Variants in TMPRSS11D observed in about 807,000 individuals in gnomAD.
TMPRSS11D encodes the protein transmembrane protease serine 11D.
Under a neutral mutation model 44.4 loss-of-function variants are expected in TMPRSS11D, and 32 were observed. The ratio of observed to expected loss-of-function variants is 0.72; its 90% CI spans 0.54 to 0.97. The LOEUF (loss-of-function observed/expected upper bound fraction) is 0.97, where lower values mean the gene tolerates loss of function less well. Ranked by LOEUF, TMPRSS11D falls within the 50% of genes least tolerant of loss-of-function variation. TMPRSS11D has a pLI of 0.00. For missense variants in TMPRSS11D, 446 were observed against 502.6 expected (o/e 0.89, Z 1.08); for synonymous variants, 179 against 177.9 (o/e 1.01, Z -0.05).
intron 1 of TMPRSS11D, among the ~76,000 whole-genome samples, chr4:67,877,608 C>T (rs1033303858): frequency 1.3e-5 from 2 of 152,182 alleles, no homozygotes; most frequent in African/African-American, 2.4e-5. Flanking sequence ...TCACAACCTT[C>T]CTTTGCCCCG....
In TMPRSS11D at chr4:67,833,196, G is replaced by T; in HGVS notation, c.692+8C>A. 6.9e-7 allele frequency: 1 copy of T among 1,459,158 alleles called. No homozygotes were observed. The highest frequency in any genetic ancestry group is 1.5e-5 in the South Asian group (1 of 65,306). The allele number at this position is 1,459,158 out of a possible 1,614,324, so 90.4% of individuals were successfully genotyped here. ...TGTTCCCAGATGGGTAGGTAGTGGT[G>T]GCCTCACCTTCTGAAGCAGTGAGCT... is the stretch of plus-strand genomic sequence containing the variant. On this transcript the variant is annotated splice_region_variant and intron_variant, in intron 7 of 9. Transcript: ENST00000283916.
chr4:67,831,550 A>G (rs1393646558), intron 7 of TMPRSS11D, among the ~76,000 whole-genome samples: 1 of 152,132 alleles, frequency 6.6e-6, no homozygotes, highest in Non-Finnish European at 1.5e-5. Context: ...GGGACTGAAT[A>G]GGGCTTAGAA....
chr4:67,823,832 T>C (rs7662601), intron 9 of TMPRSS11D, among the ~76,000 whole-genome samples: 122,934 of 151,980 alleles, frequency 0.81, 50,367 homozygotes, highest in Middle Eastern at 0.91. Context: ...GTGTTTTTTT[T>C]TCTATAGTGA....
At position 67,854,149 on chromosome 4, in the gene TMPRSS11D, G is replaced by T. The variant is rs1458683022; in HGVS notation, c.168C>A (p.Leu56=). The T allele has an allele frequency of 6.3e-7, 1 of 1,593,592 alleles. No homozygotes were observed. Among genetic ancestry groups the T allele is most frequent in the African/African-American group, 1.4e-5 (1 of 73,906 alleles). ...KSYFYRSSFQ[L]LNVEYNSQLN... is the part of the protein sequence containing the mutation. ...ACTGACTATTATATTCAACATTTAG[G>T]AGTTGAAAACTGCTCCTATAAAAGT... The change falls in exon 3 of 10, where the codon CTC becomes CTA. Residue 56 remains leucine (L), a synonymous_variant. Transcript: ENST00000283916.
At position 67,825,818 on chromosome 4, in the gene TMPRSS11D, A is replaced by G. The variant is rs758351722; in HGVS notation, c.1009T>C (p.Cys337Arg). ...GQVRIISNDV[C>R]NAPHSYNGAI... ...CCATTATAACTATGTGGTGCATTACATACATCATTACTTATTATTCTGACC... is the reference window on the plus strand; with the variant it reads ...CCATTATAACTATGTGGTGCATTACGTACATCATTACTTATTATTCTGACC... The change falls in exon 9 of 10, where the codon TGT becomes CGT. Residue 337 changes from cysteine (C) to arginine (R), a missense_variant. Physicochemically the swap from Cys to Arg is radical, Grantham distance 180. Transcript: ENST00000283916. 1.2e-6 allele frequency: 2 copies of G among 1,613,262 alleles called. No homozygotes were observed. Among genetic ancestry groups the G allele is most frequent in the Non-Finnish European group, 1.7e-6 (2 of 1,179,494 alleles).
chr4:67,870,904 C>T (rs2109699468), intron 1 of TMPRSS11D, among the ~76,000 whole-genome samples: 1 of 151,914 alleles, frequency 6.6e-6, no homozygotes, highest in East Asian at 1.9e-4. Flanking sequence ...TTCTAATATA[C>T]CCCACAATTT....
At chr4:67,855,993 C>A (rs1459392787) in intron 2 of TMPRSS11D, among the ~76,000 whole-genome samples, 1 of 152,034 alleles carries the variant, frequency 6.6e-6, no homozygotes, top group Non-Finnish European at 1.5e-5. Context: ...TGGAAGAGGG[C>A]ACAAACAAAT....
At position 67,820,921 on chromosome 4, in the gene TMPRSS11D, G is replaced by T. The variant is rs1199716042; in HGVS notation, c.*1416C>A. 6.6e-6 allele frequency: 1 copy of T among 152,208 alleles called. No individual in the cohort carries two copies. The highest frequency in any genetic ancestry group is 2.4e-5 in the African/African-American group (1 of 41,458). The allele number at this position is 152,208 out of a possible 1,614,324, so 9.4% of individuals were successfully genotyped here. On this transcript the variant is annotated 3_prime_UTR_variant, in exon 10 of 10. Coordinates refer to ENST00000283916, the MANE Select transcript of TMPRSS11D (RefSeq NM_004262.3). ...TTGAAATAAAGTATAGCAAAGATTTGTTTGTACAGTTCGCCAAGAGTTGGT... is the reference window on the plus strand; with the variant it reads ...TTGAAATAAAGTATAGCAAAGATTTTTTTGTACAGTTCGCCAAGAGTTGGT...
chr4:67,877,547 G>A (rs1256429316), intron 1 of TMPRSS11D, among the ~76,000 whole-genome samples: 2 of 152,122 alleles, frequency 1.3e-5, no homozygotes, highest in African/African-American at 4.8e-5. Context: ...TCTATTCAGT[G>A]CTTAGAATTC....
intron 3 of TMPRSS11D, among the ~76,000 whole-genome samples, chr4:67,851,363 C>G (rs972993391): frequency 2.0e-5 from 3 of 152,120 alleles, no homozygotes; most frequent in Non-Finnish European, 2.9e-5. Context: ...TTTCACTCAT[C>G]TCCCAATTTC....
intron 3 of TMPRSS11D, among the ~76,000 whole-genome samples, chr4:67,846,789 A>AT (rs35863208): frequency 0.71 from 108,446 of 152,092 alleles, 41,208 homozygotes; most frequent in Middle Eastern, 0.85. Context: ...TACAGATAAC[A>AT]TACTTTATAT....
intron 1 of TMPRSS11D, among the ~76,000 whole-genome samples, chr4:67,874,189 T>C (rs1468545206): frequency 6.6e-6 from 1 of 152,154 alleles, no homozygotes; most frequent in African/African-American, 2.4e-5. Context: ...TAATAGGTTA[T>C]ATCATCTAGG....
At chr4:67,876,858 C>T (rs570352281) in intron 1 of TMPRSS11D, among the ~76,000 whole-genome samples, 120 of 152,298 alleles carry the variant, frequency 7.9e-4, no homozygotes, top group African/African-American at 2.8e-3. Context: ...AATTGTCCTT[C>T]CCTTGAAGTA....
chr4:67,822,484 G>A lies in TMPRSS11D; in HGVS notation c.1110C>T (p.Gly370=), dbSNP rs751003560. The stretch of plus-strand genomic sequence containing the variant: ...GCCGTGAGTCTTCTTGTACTAGTGG[G>A]CCACCAGAGTCACCCTGTAAAAAAA... ...GVDACQGDSG[G]PLVQEDSRRL... Residue 370 remains glycine (G), a synonymous_variant, in exon 10 of 10, where the codon GGC becomes GGT. Transcript: ENST00000283916. 178 of 1,613,672 alleles carry A rather than the reference G, an allele frequency of 1.1e-4. No homozygotes were observed. The highest frequency in any genetic ancestry group is 1.1e-3 in the Admixed American group (65 of 59,934).
At chr4:67,860,657 A>G (rs1020668307) in intron 1 of TMPRSS11D, among the ~76,000 whole-genome samples, 3 of 152,136 alleles carry the variant, frequency 2.0e-5, no homozygotes, top group African/African-American at 7.2e-5. Context: ...GTAAATATTT[A>G]TGATATTTAT....
chr4:67,881,627 A>C (rs1171941883), intron 1 of TMPRSS11D, among the ~76,000 whole-genome samples: 1 of 152,204 alleles, frequency 6.6e-6, no homozygotes, highest in Non-Finnish European at 1.5e-5. Flanking sequence ...TAGCAGTTCA[A>C]AAACCAGGAT....
intron 1 of TMPRSS11D, among the ~76,000 whole-genome samples, chr4:67,876,273 G>A (rs1299483979): frequency 6.6e-6 from 1 of 152,086 alleles, no homozygotes; most frequent in Non-Finnish European, 1.5e-5. Context: ...ATAGTCACAT[G>A]CCTCAGAGGG....
intron 1 of TMPRSS11D, among the ~76,000 whole-genome samples, chr4:67,863,360 C>CA (rs879795805): frequency 2.0e-5 from 3 of 147,416 alleles, no homozygotes; most frequent in Non-Finnish European, 4.5e-5. Flanking sequence ...AAGAAAAGTT[C>CA]AAAACCGAAC....
intron 3 of TMPRSS11D, among the ~76,000 whole-genome samples, chr4:67,848,554 T>G (rs1718414523): frequency 6.6e-6 from 1 of 152,208 alleles, no homozygotes. Context: ...AAATTATAAC[T>G]GTGAAAAGTG....
Sources: gnomAD v4.1 joint callset for allele counts (sites outside exome capture counted in the v4.1 genomes callset) on GRCh38, gnomAD v4.1.1 for gene constraint, MANE v1.5 for transcripts, NCBI Gene and HGNC (gene_info 2026-07-23, HGNC 2026-07-21) for gene names.